FHIT: variants seen among roughly 807,000 people sequenced by gnomAD.
FHIT encodes the protein bis(5'-adenosyl)-triphosphatase.
Under a neutral mutation model 17.9 loss-of-function variants are expected in FHIT, and 19 were observed. The observed-to-expected ratio is 1.06, with a 90% CI of 0.74 to 1.56. FHIT has a LOEUF of 1.56. Ranked by LOEUF, FHIT falls within the 40% of genes most tolerant of loss-of-function variation. The probability of loss-of-function intolerance (pLI) is 0.00; values close to 1 mark genes in which losing one functional copy is unlikely to be tolerated. For synonymous variants in FHIT, 81 were observed against 69.7 expected (o/e 1.16, Z -0.81); for missense variants, 248 against 189.2 (o/e 1.31, Z -1.82).
At chr3:60,567,669 C>T (rs57551467) in intron 4 of FHIT, among the ~76,000 whole-genome samples, 2 of 151,642 alleles carry the variant, frequency 1.3e-5, no homozygotes, top group Non-Finnish European at 2.9e-5. Flanking sequence ...GTGAACAGGC[C>T]ACCTACAGAA....
chr3:60,142,722 C>T (rs1343889597), intron 5 of FHIT, among the ~76,000 whole-genome samples: 2 of 149,244 alleles, frequency 1.3e-5, no homozygotes, highest in African/African-American at 2.5e-5. Context: ...TGGGATTTCA[C>T]TATGTTGCCC....
chr3:60,750,328 G>A (rs1162872878), intron 4 of FHIT, among the ~76,000 whole-genome samples: 7 of 152,066 alleles, frequency 4.6e-5, no homozygotes, highest in African/African-American at 1.7e-4. Flanking sequence ...AAATTCAGGA[G>A]GGCCTCAAAT....
chr3:60,446,690 A>G (rs2031355168), intron 5 of FHIT, among the ~76,000 whole-genome samples: 2 of 151,886 alleles, frequency 1.3e-5, no homozygotes, highest in Admixed American at 1.3e-4. Flanking sequence ...TGTCTCCACA[A>G]AATACTTAAA....
At chr3:61,241,220 A>T (rs2040366553) in intron 1 of FHIT, among the ~76,000 whole-genome samples, 2 of 152,050 alleles carry the variant, frequency 1.3e-5, no homozygotes, top group Non-Finnish European at 2.9e-5. Flanking sequence ...CCTAGAAGAG[A>T]TTGAACTGGA....
intron 3 of FHIT, among the ~76,000 whole-genome samples, chr3:61,010,599 T>G (rs927740733): frequency 6.6e-6 from 1 of 152,202 alleles, no homozygotes; most frequent in East Asian, 1.9e-4. Flanking sequence ...CTGTTCCACC[T>G]GATGGCCAAG....
At chr3:60,920,656 A>G (rs781864290) in intron 3 of FHIT, among the ~76,000 whole-genome samples, 2 of 152,196 alleles carry the variant, frequency 1.3e-5, no homozygotes, top group African/African-American at 2.4e-5. Flanking sequence ...TGGATTCAAC[A>G]TATTCCACGA....
At chr3:60,508,018 G>A (rs2034804051) in intron 5 of FHIT, among the ~76,000 whole-genome samples, 2 of 152,134 alleles carry the variant, frequency 1.3e-5, no homozygotes, top group African/African-American at 4.8e-5. Context: ...GAATGACAAA[G>A]GTTTTTCAAT....
At chr3:60,573,515 A>G (rs782292438) in intron 4 of FHIT, among the ~76,000 whole-genome samples, 11 of 152,278 alleles carry the variant, frequency 7.2e-5, no homozygotes, top group Admixed American at 2.0e-4. Flanking sequence ...AACAGCCTGC[A>G]ATGTGGACTT....
chr3:60,539,031 CA>C, intron 4 of FHIT, among the ~76,000 whole-genome samples: 1 of 151,738 alleles, frequency 6.6e-6, no homozygotes, highest in East Asian at 1.9e-4. Flanking sequence ...AAAATTTTTG[CA>C]ATCTACTCAT....
intron 5 of FHIT, among the ~76,000 whole-genome samples, chr3:60,417,292 C>T (rs1702286917): frequency 6.6e-6 from 1 of 152,082 alleles, no homozygotes. Context: ...TGCAACTGTT[C>T]AGTAAAAATG....
intron 2 of FHIT, among the ~76,000 whole-genome samples, chr3:61,045,545 C>T (rs1010448691): frequency 3.9e-5 from 6 of 152,102 alleles, no homozygotes; most frequent in Admixed American, 2.0e-4. Context: ...TAATGGGAGG[C>T]TTTAATACCC....
At chr3:60,077,509 C>T (rs1703065450) in intron 5 of FHIT, 1 of 150,262 alleles carries the variant, frequency 6.7e-6, no homozygotes, top group South Asian at 2.1e-4. Context: ...TCCTGTGGTG[C>T]CACAAAGTTA....
intron 3 of FHIT, among the ~76,000 whole-genome samples, chr3:60,885,986 G>C (rs1248860730): frequency 6.6e-6 from 1 of 152,058 alleles, no homozygotes; most frequent in Non-Finnish European, 1.5e-5. Flanking sequence ...AGCTCAATGA[G>C]AGCAATATCT....
chr3:60,872,429 G>T (rs1352733109), intron 3 of FHIT, among the ~76,000 whole-genome samples: 1 of 151,922 alleles, frequency 6.6e-6, no homozygotes, highest in Non-Finnish European at 1.5e-5. Flanking sequence ...CACATCAGTG[G>T]GATATCTTTC....
At chr3:59,956,407 C>T (rs1367673258) in intron 7 of FHIT, among the ~76,000 whole-genome samples, 7 of 152,160 alleles carry the variant, frequency 4.6e-5, no homozygotes, top group African/African-American at 2.4e-5. Flanking sequence ...TGGTGGCTCA[C>T]GCCTATAATC....
intron 2 of FHIT, among the ~76,000 whole-genome samples, chr3:61,128,760 G>A (rs2036681645): frequency 1.3e-5 from 2 of 150,862 alleles, no homozygotes; most frequent in Admixed American, 6.6e-5. Flanking sequence ...CTTATCTTGT[G>A]AAAAAACAAG....
At position 61,142,122 on chromosome 3, in the gene FHIT, A is replaced by ATTT. The variant is rs200645377; in HGVS notation, c.-164+58492_-164+58494dup. On this transcript the variant is annotated intron_variant, in intron 2 of 9. Transcript: ENST00000492590. Reference sequence around the variant, plus strand: ...CTTAAAATGCTTTCTCTTAAAAAAAATTTTTTTTTTATCTGAGAATTGCAT... The same window carrying ATTT: ...CTTAAAATGCTTTCTCTTAAAAAAAATTTTTTTTTTTTTATCTGAGAATTGCAT... Among the ~76,000 whole-genome samples, 15 of 149,700 alleles carry ATTT rather than the reference A, an allele frequency of 1.0e-4. 1 individual carries two copies. Among genetic ancestry groups the ATTT allele is most frequent in the East Asian group, 7.8e-4 (4 of 5,096 alleles).
chr3:61,151,515 C>G (rs1286000436), intron 2 of FHIT, among the ~76,000 whole-genome samples: 1 of 150,892 alleles, frequency 6.6e-6, no homozygotes, highest in Non-Finnish European at 1.5e-5. Context: ...TCCCTCAAAC[C>G]TCTCATCTTT....
chr3:61,093,939 G>C (rs1208057458), intron 2 of FHIT, among the ~76,000 whole-genome samples: 1 of 152,210 alleles, frequency 6.6e-6, no homozygotes, highest in Non-Finnish European at 1.5e-5. Context: ...GGAAATACTT[G>C]AAAGGGTTTG....
Sources: gnomAD v4.1 joint callset for allele counts (sites outside exome capture counted in the v4.1 genomes callset) on GRCh38, gnomAD v4.1.1 for gene constraint, MANE v1.5 for transcripts, NCBI Gene and HGNC (gene_info 2026-07-23, HGNC 2026-07-21) for gene names.